The following ITGB6 variants were observed in gnomAD, a reference collection of about 807,000 sequenced individuals.
ITGB6 encodes the protein integrin subunit beta 6.
A neutral mutation model predicts 84.5 loss-of-function variants in ITGB6; 80 were observed. That is an observed-to-expected ratio of 0.95 (90% confidence interval 0.79 to 1.14). The LOEUF (loss-of-function observed/expected upper bound fraction) is 1.14. Ranked by LOEUF, ITGB6 falls within the 50% of genes most tolerant of loss-of-function variation. The pLI is 0.00. For synonymous variants in ITGB6, 383 were observed against 354.9 expected (o/e 1.08, Z -0.89); for missense variants, 1,006 against 968.0 (o/e 1.04, Z -0.52).
Position 160,172,729 on chromosome 2 carries a change from T to C in ITGB6, c.761A>G (p.Glu254Gly), listed in dbSNP as rs541375604. ...DAIMQAAVCK[E>G]KIGWRNDSLH... ...GGAGTCATTCCGCCAGCCAATTTTTTCCTACAGTGAGAAAGAAACATTTGT... is the reference window on the plus strand; with the variant it reads ...GGAGTCATTCCGCCAGCCAATTTTTCCCTACAGTGAGAAAGAAACATTTGT... Residue 254 changes from glutamate (E) to glycine (G), a missense_variant and splice_region_variant, in exon 6 of 15, where the codon GAA becomes GGA. Transcript: ENST00000283249. 394 of 1,591,940 alleles carry C rather than the reference T, an allele frequency of 2.5e-4. 2 individuals carry two copies. The South Asian group carries it at 4.1e-3, about 17-fold the overall frequency.
chr2:160,133,433 G>A (rs1214689893), intron 10 of ITGB6, among the ~76,000 whole-genome samples: 2 of 152,140 alleles, frequency 1.3e-5, no homozygotes, highest in Non-Finnish European at 2.9e-5. Flanking sequence ...CCTACAAAGA[G>A]ACTTAGACTC....
chr2:160,163,460 C>T lies in ITGB6; in HGVS notation c.1017+5752G>A, dbSNP rs539578819. On this transcript the variant is annotated intron_variant, in intron 7 of 14. Coordinates refer to ENST00000283249, the MANE Select transcript of ITGB6 (RefSeq NM_000888.5). ...CAGTCTGGCCAACATGGTGAAACCC[C>T]GTCTCTACTAAAAACATGCAAATTA... is the stretch of plus-strand genomic sequence containing the variant. 5.3e-5 allele frequency among the ~76,000 whole-genome samples: 8 copies of T among 152,070 alleles called. No homozygotes were observed. The East Asian group carries it at 7.7e-4, about 15-fold the overall frequency.
chr2:160,150,521 C>T (rs1684372179), intron 7 of ITGB6, among the ~76,000 whole-genome samples: 1 of 152,156 alleles, frequency 6.6e-6, no homozygotes, highest in Non-Finnish European at 1.5e-5. Context: ...TTGTAAAGGA[C>T]ATCGATGCTA....
intron 6 of ITGB6, among the ~76,000 whole-genome samples, chr2:160,171,253 C>A (rs1685187537): frequency 6.6e-6 from 1 of 151,972 alleles, no homozygotes; most frequent in Admixed American, 6.6e-5. Context: ...CACTTAAATT[C>A]TCTGTACCAT....
intron 4 of ITGB6, among the ~76,000 whole-genome samples, chr2:160,187,734 A>G (rs911252956): frequency 2.0e-5 from 3 of 152,210 alleles, no homozygotes; most frequent in African/African-American, 7.2e-5. Context: ...TTTTTCATAA[A>G]AACATATTAC....
intron 10 of ITGB6, among the ~76,000 whole-genome samples, chr2:160,132,757 A>G (rs1683523872): frequency 6.6e-6 from 1 of 152,176 alleles, no homozygotes; most frequent in Admixed American, 6.5e-5. Context: ...TGATTTTACA[A>G]TAGTCATATA....
chr2:160,106,219 T>C (rs1422010405), intron 14 of ITGB6, among the ~76,000 whole-genome samples: 1 of 152,186 alleles, frequency 6.6e-6, no homozygotes, highest in Non-Finnish European at 1.5e-5. Flanking sequence ...ATTAATCTTT[T>C]TTCAGTCTTT....
chr2:160,187,429 A>T (rs1685947445), intron 4 of ITGB6, among the ~76,000 whole-genome samples: 1 of 152,176 alleles, frequency 6.6e-6, no homozygotes, highest in Admixed American at 6.5e-5. Flanking sequence ...CCTGTTATCT[A>T]CTATCACCTG....
rs543139558 is a variant in ITGB6, at chr2:160,159,156, C to T, written c.1017+10056G>A. On this transcript the variant is annotated intron_variant, in intron 7 of 14. Transcript: ENST00000283249. ...GCCCCAGCCCAGACCTCTTGAATGA[C>T]AGTCTGCATTTTAAGAGGTCCCTGT... Among the ~76,000 whole-genome samples the T allele has an allele frequency of 1.3e-5, 2 of 151,052 alleles. 1 individual carries two copies. Among genetic ancestry groups the T allele is most frequent in the Admixed American group, 1.3e-4 (2 of 15,198 alleles).
chr2:160,111,118 G>GC (rs11372562), intron 13 of ITGB6, among the ~76,000 whole-genome samples: 152,007 of 152,018 alleles, frequency 1, 75,998 homozygotes, highest in Middle Eastern at 1. Context: ...GAGGCATTTA[G>GC]CCAAGGCATG....
intron 2 of ITGB6, among the ~76,000 whole-genome samples, chr2:160,197,781 G>A (rs994828244): frequency 2.0e-4 from 31 of 152,244 alleles, no homozygotes; most frequent in African/African-American, 7.2e-4. Flanking sequence ...TCAACACAGT[G>A]TCATTGCTAT....
At chr2:160,119,215 C>T (rs931564788) in intron 12 of ITGB6, among the ~76,000 whole-genome samples, 1 of 152,194 alleles carries the variant, frequency 6.6e-6, no homozygotes, top group Non-Finnish European at 1.5e-5. Flanking sequence ...CAAGTCAATC[C>T]TAAGCCAAAA....
At chr2:160,152,907 C>T (rs1419368288) in intron 7 of ITGB6, among the ~76,000 whole-genome samples, 2 of 152,086 alleles carry the variant, frequency 1.3e-5, no homozygotes, top group Non-Finnish European at 2.9e-5. Flanking sequence ...TGAAGGACCT[C>T]TTCAAGGCAA....
intron 7 of ITGB6, among the ~76,000 whole-genome samples, chr2:160,146,676 TTC>T (rs1236334421): frequency 1.3e-5 from 2 of 152,204 alleles, no homozygotes; most frequent in South Asian, 2.1e-4. Flanking sequence ...CTCTCCCTGT[TTC>T]TCTCTCTTTC....
intron 7 of ITGB6, among the ~76,000 whole-genome samples, chr2:160,151,802 A>G (rs1684429377): frequency 2.0e-5 from 3 of 152,124 alleles, no homozygotes; most frequent in Non-Finnish European, 2.9e-5. Context: ...ACTACCATCA[A>G]AGAATACTAT....
chr2:160,145,143 AAAAGGATGATTT>A, intron 7 of ITGB6, among the ~76,000 whole-genome samples: 1 of 152,348 alleles, frequency 6.6e-6, no homozygotes, highest in Non-Finnish European at 1.5e-5. Flanking sequence ...TAATGTTAGA[AAAAGGATGATTT>A]TGCATGCCTG....
At chr2:160,191,430 T>C (rs752169220) in intron 4 of ITGB6, among the ~76,000 whole-genome samples, 19 of 152,164 alleles carry the variant, frequency 1.2e-4, no homozygotes, top group Non-Finnish European at 2.8e-4. Flanking sequence ...AGTATTTCTG[T>C]CAAAACCTCT....
Position 160,100,609 on chromosome 2 carries a change from C to G in ITGB6, c.*1127G>C, listed in dbSNP as rs529986174. On this transcript the variant is annotated 3_prime_UTR_variant, in exon 15 of 15. Coordinates refer to ENST00000283249, the MANE Select transcript of ITGB6 (RefSeq NM_000888.5). ...CAAGAAATAATATTCTAGAGTCCAT[C>G]TCTTCCATCAACTGATGGATCCCTA... is the stretch of plus-strand genomic sequence containing the variant. The G allele has an allele frequency of 2.0e-5, 3 of 146,350 alleles. No individual in the cohort carries two copies. The allele number at this position is 146,350 out of a possible 1,614,324, so 9.1% of individuals were successfully genotyped here. A position where few individuals can be genotyped will look rare whatever the true frequency, so the allele number is the denominator to read the frequency against.
intron 12 of ITGB6, among the ~76,000 whole-genome samples, chr2:160,121,562 A>T (rs969082977): frequency 9.2e-5 from 14 of 152,184 alleles, no homozygotes; most frequent in African/African-American, 3.4e-4. Context: ...AGGCGGGCAG[A>T]TGCCTTGAGC....
Sources: gnomAD v4.1 joint callset for allele counts (sites outside exome capture counted in the v4.1 genomes callset) on GRCh38, gnomAD v4.1.1 for gene constraint, MANE v1.5 for transcripts, NCBI Gene and HGNC (gene_info 2026-07-23, HGNC 2026-07-21) for gene names.